SLC2A9: variants seen among roughly 807,000 people sequenced by gnomAD.
SLC2A9 encodes the protein solute carrier family 2, facilitated glucose transporter member 9.
In SLC2A9, 39 loss-of-function variants were observed where a neutral mutation model predicts 50.6. The ratio of observed to expected loss-of-function variants is 0.77; its 90% CI spans 0.60 to 1.01. The LOEUF is 1.01. Ranked by LOEUF, SLC2A9 falls within the 50% of genes least tolerant of loss-of-function variation. SLC2A9 has a pLI of 0.00. For synonymous variants in SLC2A9, 324 were observed against 276.9 expected, an observed-to-expected ratio of 1.17 and a Z score of -1.69; for missense variants, 686 against 677.6, an observed-to-expected ratio of 1.01 and a Z score of -0.14.
At chr4:9,914,499 T>C (rs1323332695) in intron 7 of SLC2A9, among the ~76,000 whole-genome samples, 1 of 152,216 alleles carries the variant, frequency 6.6e-6, no homozygotes, top group Non-Finnish European at 1.5e-5. Flanking sequence ...CGACTACAGC[T>C]GCGCACCTTA....
upstream of SLC2A9, chr4:10,040,250 C>G (rs1764239687): frequency 6.6e-6 from 1 of 152,208 alleles, no homozygotes; most frequent in African/African-American, 2.4e-5. Context: ...AGAGCCAACA[C>G]TCAGCCAACA....
intron 2 of SLC2A9, among the ~76,000 whole-genome samples, chr4:10,011,512 G>C (rs1038154132): frequency 9.9e-5 from 15 of 152,242 alleles, no homozygotes; most frequent in African/African-American, 3.4e-4. Context: ...TCCTACTAAA[G>C]GTCAACGATT....
chr4:9,833,393 G>C (rs531139128), intron 11 of SLC2A9, among the ~76,000 whole-genome samples: 8 of 152,334 alleles, frequency 5.3e-5, no homozygotes, highest in African/African-American at 1.9e-4. Flanking sequence ...GAGGGAAGTT[G>C]AGCACAAGGT....
chr4:9,984,934 C>T (rs537375028), intron 4 of SLC2A9, among the ~76,000 whole-genome samples: 1 of 152,320 alleles, frequency 6.6e-6, no homozygotes, highest in Admixed American at 6.5e-5. Context: ...TCCTCTTTGG[C>T]GTCATCAGCA....
downstream of SLC2A9, among the ~76,000 whole-genome samples, chr4:9,779,501 G>A (rs562241859): frequency 1.4e-4 from 21 of 146,956 alleles, no homozygotes; most frequent in African/African-American, 3.8e-4. Flanking sequence ...TGCAAGCTCC[G>A]CCTCCTGGGT....
In SLC2A9 at chr4:9,941,965, G is replaced by A. The variant is rs1350837261; in HGVS notation, c.762C>T (p.Asp254=). The A allele has an allele frequency of 1.2e-6, 2 of 1,614,096 alleles. No individual in the cohort carries two copies. The highest frequency in any genetic ancestry group is 1.7e-6 in the Non-Finnish European group (2 of 1,180,042). ...VQLLSLPFLP[D]SPRYLLLEKH... The stretch of plus-strand genomic sequence containing the variant: ...TCTCCAAGAGCAGGTAGCGTGGGCT[G>A]TCCGGGAGAAAGGGAAGGCTCAGCA... The change falls in exon 6 of 12, where the codon GAC becomes GAT. Residue 254 remains aspartate (D), a synonymous_variant. Transcript: ENST00000264784.
rs764487421 is a variant in SLC2A9, at chr4:9,920,377, G to A, written c.1002+8C>T. 1.9e-6 allele frequency: 3 copies of A among 1,613,956 alleles called. No homozygotes were observed. Among genetic ancestry groups the A allele is most frequent in the East Asian group, 2.2e-5 (1 of 44,872 alleles). On this transcript the variant is annotated splice_region_variant and intron_variant, in intron 7 of 11. Transcript: ENST00000264784. ...ATGCAAGGATGCCCACCGGGCCCCA[G>A]GACTCACTGCATTGAGGCCACAGAG...
chr4:9,956,376 A>G (rs1260434286), intron 5 of SLC2A9, among the ~76,000 whole-genome samples: 1 of 151,962 alleles, frequency 6.6e-6, no homozygotes, highest in Non-Finnish European at 1.5e-5. Flanking sequence ...GCTACTCGGG[A>G]GGCTGAGGCA....
chr4:10,005,984 C>G (rs1394524354), intron 2 of SLC2A9, among the ~76,000 whole-genome samples: 1 of 152,170 alleles, frequency 6.6e-6, no homozygotes, highest in Non-Finnish European at 1.5e-5. Flanking sequence ...AATGAAGATA[C>G]AGCACAGTGC....
At chr4:9,778,988 G>C (rs564157706), downstream of SLC2A9, among the ~76,000 whole-genome samples, 36 of 151,864 alleles carry the variant, frequency 2.4e-4, no homozygotes, top group Admixed American at 1.2e-3. Flanking sequence ...GGATGGTCTC[G>C]ATCTCCTGAC....
Position 10,036,844 on chromosome 4 carries a change from T to C in SLC2A9, c.-41+3286A>G, listed in dbSNP as rs115235377. 4.8e-3 allele frequency among the ~76,000 whole-genome samples: 729 copies of C among 152,314 alleles called. 7 individuals carry two copies. Among genetic ancestry groups the C allele is most frequent in the African/African-American group, 0.016 (683 of 41,568 alleles). ...TTTTAAATCTCTTGATGCGTATTGA[T>C]CTTTCATGTTCCAAAAAGGATTCTA... On this transcript the variant is annotated intron_variant, in intron 1 of 12. Coordinates refer to the SLC2A9 transcript ENST00000309065.
chr4:10,013,404 G>A (rs565434811), intron 2 of SLC2A9, among the ~76,000 whole-genome samples: 1 of 152,300 alleles, frequency 6.6e-6, no homozygotes, highest in East Asian at 1.9e-4. Context: ...TTGGAAAGTT[G>A]GGTGGCCAGG....
rs200013912 is a variant in SLC2A9 at position 9,996,788 on chromosome 4, G to T, written c.403C>A (p.Leu135Ile). 12 of 1,613,724 alleles carry T rather than the reference G, an allele frequency of 7.4e-6. No homozygotes were observed. The Admixed American group carries it at 2.0e-4, about 27-fold the overall frequency. ...AGACAGCCTCCTACTGACCTCCCAAGAACCTTTCCAATCATCTTCACAATT... is the reference window on the plus strand; with the variant it reads ...AGACAGCCTCCTACTGACCTCCCAATAACCTTTCCAATCATCTTCACAATT... ...TLIVKMIGKV[L>I]GRKHTLLANN... Residue 135 changes from leucine (L) to isoleucine (I), a missense_variant, in exon 3 of 12, where the codon CTT becomes ATT. Physicochemically the swap from Leu to Ile is conservative, Grantham distance 5 (BLOSUM62 2). Coordinates refer to ENST00000264784, the MANE Select transcript of SLC2A9 (RefSeq NM_020041.3).
intron 5 of SLC2A9, among the ~76,000 whole-genome samples, chr4:9,949,940 T>C (rs896146886): frequency 1.3e-5 from 2 of 152,142 alleles, no homozygotes; most frequent in African/African-American, 4.8e-5. Context: ...AGCCAGCAAA[T>C]GTTCATGGAG....
At chr4:9,892,463 G>C (rs1180835180) in intron 8 of SLC2A9, among the ~76,000 whole-genome samples, 1 of 152,168 alleles carries the variant, frequency 6.6e-6, no homozygotes, top group African/African-American at 2.4e-5. Context: ...ACCTGGCCCA[G>C]TGGAACAGAG....
At chr4:9,943,714 A>T (rs945106006) in intron 5 of SLC2A9, among the ~76,000 whole-genome samples, 14 of 152,144 alleles carry the variant, frequency 9.2e-5, no homozygotes, top group Non-Finnish European at 1.9e-4. Context: ...CATACATAGA[A>T]GTGGAATTTT....
chr4:10,018,762 G>A (rs558453663), intron 2 of SLC2A9, among the ~76,000 whole-genome samples: 2 of 150,710 alleles, frequency 1.3e-5, no homozygotes, highest in African/African-American at 4.9e-5. Context: ...CCGCCCTCCA[G>A]CCGCAAGAAC....
intron 2 of SLC2A9, among the ~76,000 whole-genome samples, chr4:9,999,008 G>A (rs1220219060): frequency 6.6e-6 from 1 of 151,414 alleles, no homozygotes; most frequent in Non-Finnish European, 1.5e-5. Flanking sequence ...TATTTCAAAT[G>A]TCAGGTCAGG....
intron 10 of SLC2A9, among the ~76,000 whole-genome samples, chr4:9,845,715 C>T (rs1003552395): frequency 2.6e-5 from 4 of 152,174 alleles, no homozygotes; most frequent in African/African-American, 7.2e-5. Flanking sequence ...CAGGCGTGAG[C>T]CACCGCGCCC....
Sources: allele counts gnomAD v4.1 joint callset (sites outside exome capture counted in the v4.1 genomes callset), GRCh38; gene constraint gnomAD v4.1.1; transcripts MANE v1.5; gene names NCBI Gene and HGNC (gene_info 2026-07-23, HGNC 2026-07-21).